The following PIGG variants were observed in gnomAD, a reference collection of about 807,000 sequenced individuals.
The protein encoded by PIGG is phosphatidylinositol glycan anchor biosynthesis class G (EMM blood group).
Under a neutral mutation model 83.2 loss-of-function variants are expected in PIGG, and 70 were observed. The ratio of observed to expected loss-of-function variants is 0.84; its 90% CI spans 0.69 to 1.03. The LOEUF is 1.03. PIGG is among the 50% of genes least tolerant of loss of function. The pLI is 0.00. For missense variants in PIGG, 1,257 were observed against 1,233.6 expected, an observed-to-expected ratio of 1.02 and a Z score of -0.28; for synonymous variants, 532 against 519.5, an observed-to-expected ratio of 1.02 and a Z score of -0.33.
chr4:526,779 C>T (rs1308263945), intron 9 of PIGG, among the ~76,000 whole-genome samples: 1 of 151,474 alleles, frequency 6.6e-6, no homozygotes, highest in African/African-American at 2.4e-5. Context: ...AATTCCTGGC[C>T]TCAAGCGATC....
chr4:511,958 T>G (rs1337913271), intron 5 of PIGG, among the ~76,000 whole-genome samples: 1 of 152,208 alleles, frequency 6.6e-6, no homozygotes, highest in Non-Finnish European at 1.5e-5. Context: ...AAGTCAATTC[T>G]TAATCTAATT....
chr4:505,867 C>T lies in PIGG; in HGVS notation c.510C>T (p.Phe170=). 1 of 1,613,056 alleles carries T rather than the reference C, an allele frequency of 6.2e-7. No individual in the cohort carries two copies. The highest frequency in any genetic ancestry group is 8.5e-7 in the Non-Finnish European group (1 of 1,179,824). ...FYGDETWVKL[F]PKHFVEYDGT... The stretch of plus-strand genomic sequence containing the variant: ...GAGATGAAACCTGGGTTAAATTATT[C>T]CCAAAGCATTTTGTGGAATATGATG... Residue 170 remains phenylalanine, a synonymous_variant, in exon 3 of 13, where the codon TTC becomes TTT. Coordinates refer to ENST00000453061, the MANE Select transcript of PIGG (RefSeq NM_001127178.3).
intron 6 of PIGG, among the ~76,000 whole-genome samples, chr4:520,313 G>T (rs867246562): frequency 1.3e-5 from 2 of 152,222 alleles, no homozygotes; most frequent in South Asian, 4.1e-4. Context: ...CCCGGCAGAG[G>T]CTCACGCATC....
intron 5 of PIGG, among the ~76,000 whole-genome samples, chr4:511,629 CAGG>C (rs782086408): frequency 3.2e-4 from 48 of 152,196 alleles, no homozygotes; most frequent in Non-Finnish European, 5.9e-4. Context: ...GCTTTTAAAT[CAGG>C]AGAGGAAAGA....
chr4:511,434 A>G (rs1462154637), intron 5 of PIGG, among the ~76,000 whole-genome samples: 1 of 152,188 alleles, frequency 6.6e-6, no homozygotes, highest in Non-Finnish European at 1.5e-5. Context: ...GCTGTGATGA[A>G]TAATGACGCT....
At chr4:505,679 T>G (rs782170858) in intron 2 of PIGG, 39 bp from the exon 3 acceptor site, 1 of 1,483,720 alleles carries the variant, frequency 6.7e-7, no homozygotes, top group South Asian at 1.2e-5. Flanking sequence ...GCTCCGGTTT[T>G]GGATTCAGTG....
intron 5 of PIGG, among the ~76,000 whole-genome samples, chr4:510,300 G>A (rs1721450360): frequency 6.6e-6 from 1 of 152,190 alleles, no homozygotes; most frequent in African/African-American, 2.4e-5. Context: ...GAATAGATGG[G>A]GCTAGTTAAC....
chr4:528,767 T>TCTTCCC lies in PIGG; in HGVS notation c.2261+1538_2261+1543dup. On this transcript the variant is annotated intron_variant, in intron 10 of 12. Coordinates refer to ENST00000453061, the MANE Select transcript of PIGG (RefSeq NM_001127178.3). The surrounding 1 kb of genome is among the most constrained non-coding windows in gnomAD (Gnocchi z 4.8). ...ATCACTCATCTCAAGACCTTGGCCCTCTTCCCTTTCCTGGCCTGCTTCCTG... is the reference window on the plus strand; with the variant it reads ...ATCACTCATCTCAAGACCTTGGCCCTCTTCCCCTTCCCTTTCCTGGCCTGCTTCCTG... 3 of 978,132 alleles carry TCTTCCC rather than the reference T, an allele frequency of 3.1e-6. No individual in the cohort carries two copies. Among genetic ancestry groups the TCTTCCC allele is most frequent in the Non-Finnish European group, 3.6e-6 (3 of 823,354 alleles). The allele number at this position is 978,132 out of a possible 1,614,324, so 60.6% of individuals were successfully genotyped here.
intron 9 of PIGG, 142 bp downstream of exon 9, chr4:524,055 A>G (rs1726876601): frequency 1.7e-6 from 1 of 603,712 alleles, no homozygotes; most frequent in Non-Finnish European, 2.9e-6. Context: ...GGGAAAATAC[A>G]CTAAAACCAG....
intron 2 of PIGG, chr4:501,495 G>A (rs548417988): frequency 1.0e-5 from 2 of 193,698 alleles, no homozygotes; most frequent in South Asian, 8.2e-5. Context: ...TCGCATGTGA[G>A]CGTGGCATAA....
intron 6 of PIGG, among the ~76,000 whole-genome samples, chr4:518,408 A>G (rs1724629537): frequency 6.6e-6 from 1 of 152,150 alleles, no homozygotes; most frequent in South Asian, 2.1e-4. Flanking sequence ...CCTGGCTAAC[A>G]CAGTGAAACC....
rs150345987 is a variant in PIGG, at chr4:537,903, G to T, written c.2736-1250G>T. ...TCCTGAGCAGTGAGCACTGAAGCAG[G>T]AGCCACTTACAGGACACCCTCAAGT... On this transcript the variant is annotated intron_variant, in intron 12 of 12. Coordinates refer to ENST00000453061, the MANE Select transcript of PIGG (RefSeq NM_001127178.3). Among the ~76,000 whole-genome samples, 912 of 152,316 alleles carry T rather than the reference G, an allele frequency of 6.0e-3. 3 individuals are homozygous for T. The highest frequency in any genetic ancestry group is 0.021 in the African/African-American group (881 of 41,568).
At chr4:535,816 C>T (rs1730439154) in intron 12 of PIGG, among the ~76,000 whole-genome samples, 1 of 152,188 alleles carries the variant, frequency 6.6e-6, no homozygotes, top group Admixed American at 6.5e-5. Context: ...ATCCTCTCAG[C>T]TCCACGCAGG....
At chr4:531,780 G>A (rs895243918) in intron 11 of PIGG, 2 of 152,596 alleles carry the variant, frequency 1.3e-5, no homozygotes, top group Non-Finnish European at 2.9e-5. Flanking sequence ...TCAGGCCCCT[G>A]TCCTCCTCGT....
At chr4:499,731 C>G in intron 1 of PIGG, 1 of 1,372,240 alleles carries the variant, frequency 7.3e-7, no homozygotes, top group South Asian at 1.8e-5. Flanking sequence ...ACAAAGTAAG[C>G]TGTGTCCATA....
In PIGG at chr4:523,454, C is replaced by G; in HGVS notation, c.1615-5C>G. ...CTCTTACAAAGTGCACTTTCCTTTT[C>G]ACAGAACCCCATGCATCCCAGCTCA... On this transcript the variant is annotated splice_polypyrimidine_tract_variant and splice_region_variant and intron_variant, in intron 8 of 12. Coordinates refer to ENST00000453061, the MANE Select transcript of PIGG (RefSeq NM_001127178.3). The G allele has an allele frequency of 1.3e-6, 2 of 1,594,610 alleles. No homozygotes were observed. The highest frequency in any genetic ancestry group is 1.1e-5 in the South Asian group (1 of 88,998).
At chr4:525,189 G>GA in intron 9 of PIGG, 1 of 984,974 alleles carries the variant, frequency 1.0e-6, no homozygotes, top group Non-Finnish European at 1.2e-6. Context: ...CCGTGTGGGG[G>GA]AATTCAGCCA....
intron 5 of PIGG, among the ~76,000 whole-genome samples, chr4:512,088 T>C (rs1301481341): frequency 1.3e-5 from 2 of 152,228 alleles, no homozygotes; most frequent in Admixed American, 6.5e-5. Context: ...TCATCAAATT[T>C]GGAAAATTTT....
chr4:523,083 G>A (rs186607910), intron 8 of PIGG, among the ~76,000 whole-genome samples: 10 of 152,296 alleles, frequency 6.6e-5, no homozygotes, highest in Non-Finnish European at 1.2e-4. Context: ...AAGCGGGAGC[G>A]TGGAGGGCCG....
Sources: allele counts gnomAD v4.1 joint callset (sites outside exome capture counted in the v4.1 genomes callset), GRCh38; gene constraint gnomAD v4.1.1; non-coding constraint Gnocchi (gnomAD v3.1); transcripts MANE v1.5; gene names NCBI Gene and HGNC (gene_info 2026-07-23, HGNC 2026-07-21).